The following COL19A1 variants were observed in gnomAD, a reference collection of about 807,000 sequenced individuals.
COL19A1 encodes collagen alpha-1(XIX) chain.
Under a neutral mutation model 190.2 loss-of-function variants are expected in COL19A1, and 159 were observed. The observed-to-expected ratio is 0.84, with a 90% CI of 0.73 to 0.95. The LOEUF is 0.95. Among genes scored for constraint, COL19A1 ranks in the 40% least tolerant of loss-of-function variants. The pLI, the probability that COL19A1 is intolerant of heterozygous loss-of-function variation, is 0.00. For missense variants in COL19A1, 1,418 were observed against 1,431.9 expected (o/e 0.99, Z 0.16); for synonymous variants, 509 against 458.9 (o/e 1.11, Z -1.39).
At chr6:70,100,805 A>T (rs1207864449) in intron 15 of COL19A1, among the ~76,000 whole-genome samples, 1 of 152,114 alleles carries the variant, frequency 6.6e-6, no homozygotes, top group South Asian at 2.1e-4. Context: ...AAAAATTTTA[A>T]ATCTGTTCTG....
At chr6:70,064,515 G>A (rs949944587) in intron 14 of COL19A1, among the ~76,000 whole-genome samples, 7 of 152,142 alleles carry the variant, frequency 4.6e-5, no homozygotes, top group African/African-American at 1.7e-4. Flanking sequence ...TACTGGATGG[G>A]CAAAAACTGG....
intron 1 of COL19A1, among the ~76,000 whole-genome samples, chr6:69,872,974 A>T (rs1048869853): frequency 3.3e-5 from 5 of 152,196 alleles, no homozygotes; most frequent in Non-Finnish European, 7.3e-5. Context: ...ATAGCAGTAA[A>T]AGCATTTTAG....
intron 9 of COL19A1, among the ~76,000 whole-genome samples, chr6:69,939,179 G>A (rs74970760): frequency 0.12 from 18,258 of 151,968 alleles, 1,366 homozygotes; most frequent in East Asian, 0.2. Flanking sequence ...ATTTATTATT[G>A]CTCTTTAAAA....
At chr6:69,996,967 G>A (rs1185305458) in intron 11 of COL19A1, among the ~76,000 whole-genome samples, 2 of 150,278 alleles carry the variant, frequency 1.3e-5, no homozygotes, top group Non-Finnish European at 3.0e-5. Flanking sequence ...TATATAGTAT[G>A]TGTACATATA....
In COL19A1 at chr6:69,935,799, A is replaced by C. The variant is rs562824304; in HGVS notation, c.748-986A>C. Among the ~76,000 whole-genome samples the C allele has an allele frequency of 2.6e-5, 4 of 152,166 alleles. No homozygotes were observed. The South Asian group carries it at 6.2e-4, about 24-fold the overall frequency. ...TTTGTTACATAGGTAAACGTGTGCC[A>C]TGATGGTTTCCTGCACAGATCATCA... On this transcript the variant is annotated intron_variant, in intron 7 of 50. Transcript: ENST00000620364.
intron 12 of COL19A1, among the ~76,000 whole-genome samples, chr6:70,032,101 A>G (rs1158735617): frequency 6.6e-6 from 1 of 152,194 alleles, no homozygotes; most frequent in Non-Finnish European, 1.5e-5. Context: ...ATAGAAAATT[A>G]CTAAGAGGAG....
intron 9 of COL19A1, among the ~76,000 whole-genome samples, chr6:69,939,446 TA>T (rs1773312996): frequency 6.6e-6 from 1 of 151,990 alleles, no homozygotes; most frequent in East Asian, 1.9e-4. Flanking sequence ...AACTGAAGCT[TA>T]GGGGGGTTAA....
At chr6:69,990,673 T>G (rs769098295) in intron 11 of COL19A1, among the ~76,000 whole-genome samples, 2 of 152,008 alleles carry the variant, frequency 1.3e-5, no homozygotes, top group Non-Finnish European at 2.9e-5. Flanking sequence ...TGTGTTTCCT[T>G]TAAAGGGTGG....
chr6:70,200,683 G>A (rs1767492571), intron 49 of COL19A1, among the ~76,000 whole-genome samples: 1 of 152,170 alleles, frequency 6.6e-6, no homozygotes, highest in Non-Finnish European at 1.5e-5. Flanking sequence ...CCTTCCTACT[G>A]CTATTCTGTA....
chr6:70,019,413 G>T (rs1156956738), intron 11 of COL19A1, among the ~76,000 whole-genome samples: 1 of 152,056 alleles, frequency 6.6e-6, no homozygotes, highest in Admixed American at 6.6e-5. Flanking sequence ...ATGGATAATA[G>T]ACTAATTCAA....
At chr6:70,167,883 G>A (rs1442595411) in intron 37 of COL19A1, 142 bp from the exon 38 acceptor site, 5 of 579,956 alleles carry the variant, frequency 8.6e-6, no homozygotes, top group Non-Finnish European at 1.5e-5. Flanking sequence ...ATTTTACTTA[G>A]AGTATTAAAT....
chr6:70,111,319 G>A (rs1404905171), intron 16 of COL19A1, among the ~76,000 whole-genome samples: 1 of 152,240 alleles, frequency 6.6e-6, no homozygotes, highest in East Asian at 1.9e-4. Context: ...TATATAACTA[G>A]AGAAGCAACA....
intron 14 of COL19A1, among the ~76,000 whole-genome samples, chr6:70,065,799 G>T (rs1781154433): frequency 6.6e-6 from 1 of 152,024 alleles, no homozygotes; most frequent in South Asian, 2.1e-4. Context: ...GTGGGCAAAG[G>T]GTATGTACAG....
chr6:70,027,559 G>C (rs1192394154), intron 12 of COL19A1, among the ~76,000 whole-genome samples: 1 of 20,366 alleles, frequency 4.9e-5, no homozygotes, highest in Non-Finnish European at 7.1e-5. Flanking sequence ...TATCTTAACT[G>C]TGTGTGTGTG....
intron 15 of COL19A1, among the ~76,000 whole-genome samples, chr6:70,076,490 C>G (rs1781890645): frequency 6.6e-6 from 1 of 152,318 alleles, no homozygotes; most frequent in African/African-American, 2.4e-5. Flanking sequence ...ATGGTCTCCA[C>G]ACATTGTGAT....
At chr6:70,065,541 G>A (rs2150147188) in intron 14 of COL19A1, among the ~76,000 whole-genome samples, 1 of 152,294 alleles carries the variant, frequency 6.6e-6, no homozygotes, top group Middle Eastern at 3.4e-3. Context: ...TCAGGATATA[G>A]GCATGGGCAA....
intron 40 of COL19A1, among the ~76,000 whole-genome samples, chr6:70,170,162 C>T (rs891910255): frequency 1.3e-5 from 2 of 152,080 alleles, no homozygotes; most frequent in African/African-American, 4.8e-5. Context: ...AAATGAAATA[C>T]ACATTTAGTG....
At chr6:70,023,816 T>C (rs2150106281) in intron 12 of COL19A1, 136 bp downstream of exon 12, 2 of 692,114 alleles carry the variant, frequency 2.9e-6, no homozygotes, top group East Asian at 5.7e-5. Context: ...CATGGTGTTC[T>C]TTCACATGGC....
In COL19A1 at chr6:69,940,874, AG is replaced by A. The variant is rs201989005; in HGVS notation, c.936+2777del. 6.1e-3 allele frequency among the ~76,000 whole-genome samples: 933 copies of A among 152,228 alleles called. 39 individuals carry two copies. The highest frequency in any genetic ancestry group is 0.056 in the Admixed American group (851 of 15,258). ...TGTATTGTTTCATTTTAAGGAATGGAGGGTGGGTTTATTTCTGCTCCTATTG... is the reference window on the plus strand; with the variant it reads ...TGTATTGTTTCATTTTAAGGAATGGAGGTGGGTTTATTTCTGCTCCTATTG... On this transcript the variant is annotated intron_variant, in intron 9 of 50. Coordinates refer to ENST00000620364, the MANE Select transcript of COL19A1 (RefSeq NM_001858.6).
Sources: allele counts gnomAD v4.1 joint callset (sites outside exome capture counted in the v4.1 genomes callset), GRCh38; gene constraint gnomAD v4.1.1; transcripts MANE v1.5; gene names NCBI Gene and HGNC (gene_info 2026-07-23, HGNC 2026-07-21).